Variants in ITGB3BP observed in about 807,000 individuals in gnomAD.
ITGB3BP encodes the protein integrin subunit beta 3 binding protein, also known as centromere protein R.
Under a neutral mutation model 29.1 loss-of-function variants are expected in ITGB3BP, and 27 were observed. The observed-to-expected ratio is 0.93, with a 90% CI of 0.68 to 1.28. The LOEUF is 1.28. Among genes scored for constraint, ITGB3BP ranks in the 50% most tolerant of loss-of-function variants. The pLI is 0.00. For missense variants in ITGB3BP, 192 were observed against 200.2 expected, an observed-to-expected ratio of 0.96 and a Z score of 0.25; for synonymous variants, 61 against 61.4, an observed-to-expected ratio of 0.99 and a Z score of 0.03.
intron 2 of ITGB3BP, among the ~76,000 whole-genome samples, chr1:63,500,883 T>C (rs1645911007): frequency 6.6e-6 from 1 of 152,168 alleles, no homozygotes; most frequent in East Asian, 1.9e-4. Flanking sequence ...GATTTCAAAC[T>C]TACAATCAAA....
chr1:63,460,403 GT>G (rs1486187187), intron 4 of ITGB3BP, among the ~76,000 whole-genome samples: 1 of 152,082 alleles, frequency 6.6e-6, no homozygotes, highest in Non-Finnish European at 1.5e-5. Context: ...TACAGTATTT[GT>G]CCTTATGTGT....
chr1:63,469,803 A>T (rs1645164444), intron 4 of ITGB3BP, among the ~76,000 whole-genome samples: 1 of 152,246 alleles, frequency 6.6e-6, no homozygotes, highest in Non-Finnish European at 1.5e-5. Flanking sequence ...TGTTGGGAAC[A>T]AGCCCCCCAA....
At chr1:63,494,536 C>T (rs1429301565) in intron 2 of ITGB3BP, among the ~76,000 whole-genome samples, 1 of 152,060 alleles carries the variant, frequency 6.6e-6, no homozygotes, top group Admixed American at 6.5e-5. Context: ...TCTTAGTGAT[C>T]TTACAGGGAT....
chr1:63,449,107 CTG>C, intron 7 of ITGB3BP, among the ~76,000 whole-genome samples: 1 of 152,250 alleles, frequency 6.6e-6, no homozygotes, highest in East Asian at 1.9e-4. Context: ...GCAACAATGT[CTG>C]TGTACACGCT....
At chr1:63,524,365 TC>T, upstream of ITGB3BP, among the ~76,000 whole-genome samples, 2 of 152,288 alleles carry the variant, frequency 1.3e-5, no homozygotes, top group Middle Eastern at 6.8e-3. Context: ...CCCTGTGGGG[TC>T]CTTCTAAATC....
At chr1:63,507,836 T>A (rs1302871111) in intron 2 of ITGB3BP, among the ~76,000 whole-genome samples, 1 of 152,196 alleles carries the variant, frequency 6.6e-6, no homozygotes, top group African/African-American at 2.4e-5. Context: ...GACTAGCTAT[T>A]TGTTTTAATT....
chr1:63,497,635 C>G (rs1645821519), intron 2 of ITGB3BP, among the ~76,000 whole-genome samples: 1 of 152,114 alleles, frequency 6.6e-6, no homozygotes, highest in Non-Finnish European at 1.5e-5. Context: ...AAATGTATGT[C>G]AAAGTGGCCA....
At chr1:63,524,692 T>C (rs1311681687), upstream of ITGB3BP, among the ~76,000 whole-genome samples, 1 of 152,196 alleles carries the variant, frequency 6.6e-6, no homozygotes, top group African/African-American at 2.4e-5. Flanking sequence ...TAACCATTGT[T>C]CAGTACTATA....
chr1:63,523,820 A>G (rs535728940), upstream of ITGB3BP, among the ~76,000 whole-genome samples: 82 of 152,258 alleles, frequency 5.4e-4, no homozygotes, highest in South Asian at 7.5e-3. Flanking sequence ...GGTGCCCGAG[A>G]TTACCTGTGA....
At chr1:63,490,301 A>G in intron 2 of ITGB3BP, 83 bp from the exon 3 acceptor site, 2 of 985,718 alleles carry the variant, frequency 2.0e-6, no homozygotes, top group South Asian at 3.4e-5. Context: ...AAAAATCAGC[A>G]AAATTCAAAC....
intron 2 of ITGB3BP, among the ~76,000 whole-genome samples, chr1:63,502,912 G>A (rs1197945048): frequency 5.3e-5 from 8 of 151,932 alleles, no homozygotes; most frequent in East Asian, 1.9e-4. Flanking sequence ...CCAGTCTATC[G>A]TTGTTGGACA....
At chr1:63,490,953 T>C (rs1169545036) in intron 2 of ITGB3BP, among the ~76,000 whole-genome samples, 1 of 152,186 alleles carries the variant, frequency 6.6e-6, no homozygotes, top group East Asian at 1.9e-4. Context: ...TCCAGTAAAT[T>C]TGGCCATCTT....
intron 3 of ITGB3BP, among the ~76,000 whole-genome samples, chr1:63,483,554 A>C (rs979637093): frequency 6.6e-6 from 1 of 152,008 alleles, no homozygotes. Context: ...CCCTGTTTTC[A>C]ATTTGTAATT....
intron 4 of ITGB3BP, among the ~76,000 whole-genome samples, chr1:63,474,897 A>G (rs1214071382): frequency 1.2e-5 from 1 of 81,162 alleles, no homozygotes; most frequent in East Asian, 3.6e-4. Context: ...AATAAAAAAA[A>G]AAAATAAATA....
chr1:63,499,817 T>G (rs967944524), intron 2 of ITGB3BP, among the ~76,000 whole-genome samples: 2 of 152,108 alleles, frequency 1.3e-5, no homozygotes, highest in African/African-American at 4.8e-5. Flanking sequence ...CTCAACAGAC[T>G]AGGAATAGAA....
At chr1:63,482,548 GA>G (rs1457658427) in intron 3 of ITGB3BP, among the ~76,000 whole-genome samples, 2 of 151,794 alleles carry the variant, frequency 1.3e-5, no homozygotes, top group African/African-American at 2.4e-5. Flanking sequence ...ATGAGATACT[GA>G]TACAGTCCTG....
intron 2 of ITGB3BP, among the ~76,000 whole-genome samples, chr1:63,496,155 C>A (rs951515669): frequency 6.7e-6 from 1 of 150,326 alleles, no homozygotes; most frequent in South Asian, 2.1e-4. Context: ...TGCAGTGGTG[C>A]GATCACGGCT....
intron 1 of ITGB3BP, among the ~76,000 whole-genome samples, chr1:63,516,433 G>A (rs1433601586): frequency 6.6e-6 from 1 of 151,458 alleles, no homozygotes; most frequent in African/African-American, 2.4e-5. Context: ...GGAAAGCAAA[G>A]AAAATCAACT....
At chr1:63,449,366 A>T (rs1353815534) in intron 7 of ITGB3BP, 3 of 152,484 alleles carry the variant, frequency 2.0e-5, no homozygotes, top group Admixed American at 6.5e-5. Flanking sequence ...ATAGTTTAAA[A>T]TTTTTTCTAC....
Sources: allele counts gnomAD v4.1 joint callset (sites outside exome capture counted in the v4.1 genomes callset), GRCh38; gene constraint gnomAD v4.1.1; transcripts MANE v1.5; gene names NCBI Gene and HGNC (gene_info 2026-07-23, HGNC 2026-07-21).